CFAP44: variants seen among roughly 807,000 people sequenced by gnomAD.
CFAP44 encodes the protein cilia- and flagella-associated protein 44.
CFAP44 carries 134 observed loss-of-function variants against 216.2 expected under a neutral mutation model. The ratio of observed to expected loss-of-function variants is 0.62; its 90% CI spans 0.54 to 0.72. CFAP44 has a LOEUF of 0.72. Ranked by LOEUF, CFAP44 falls within the 30% of genes least tolerant of loss-of-function variation. CFAP44 has a pLI of 0.00. For missense variants in CFAP44, 2,035 were observed against 2,182.1 expected (o/e 0.93, Z 1.34); for synonymous variants, 700 against 727.6 (o/e 0.96, Z 0.61).
At chr3:113,349,453 G>T (rs1164718310) in intron 22 of CFAP44, among the ~76,000 whole-genome samples, 2 of 152,208 alleles carry the variant, frequency 1.3e-5, no homozygotes, top group African/African-American at 4.8e-5. Flanking sequence ...CGCAGGCTTA[G>T]TCATGGCCCT....
intron 27 of CFAP44, 35 bp from the exon 28 acceptor site, chr3:113,326,675 T>C: frequency 7.4e-7 from 1 of 1,355,934 alleles, no homozygotes; most frequent in Non-Finnish European, 9.8e-7. Flanking sequence ...ATGATAAATA[T>C]TTCTGATAAA....
At chr3:113,317,814 C>T (rs1009039877) in intron 28 of CFAP44, among the ~76,000 whole-genome samples, 13 of 152,184 alleles carry the variant, frequency 8.5e-5, no homozygotes, top group Non-Finnish European at 1.5e-4. Context: ...TTGCATATCT[C>T]CCTGCTACAG....
chr3:113,431,922 C>A (rs752652367), intron 2 of CFAP44, among the ~76,000 whole-genome samples: 48 of 152,246 alleles, frequency 3.2e-4, no homozygotes, highest in Non-Finnish European at 5.6e-4. Context: ...TTCAAAAATC[C>A]TAGTTATAAA....
chr3:113,381,684 T>C (rs1933514459), intron 15 of CFAP44, among the ~76,000 whole-genome samples: 1 of 152,242 alleles, frequency 6.6e-6, no homozygotes, highest in South Asian at 2.1e-4. Context: ...GAATGGGAAA[T>C]CTCCATCTTG....
At chr3:113,336,615 C>T (rs892875197) in intron 24 of CFAP44, among the ~76,000 whole-genome samples, 5 of 147,648 alleles carry the variant, frequency 3.4e-5, no homozygotes, top group African/African-American at 1.2e-4. Context: ...TTGACAAATT[C>T]CTTAGTAAAG....
chr3:113,401,029 G>A (rs1396493918), intron 11 of CFAP44, among the ~76,000 whole-genome samples: 1 of 152,048 alleles, frequency 6.6e-6, no homozygotes, highest in Non-Finnish European at 1.5e-5. Context: ...TATTGACACG[G>A]CCACTTTTCT....
At chr3:113,355,017 G>C (rs1035268403) in intron 22 of CFAP44, among the ~76,000 whole-genome samples, 3 of 152,164 alleles carry the variant, frequency 2.0e-5, no homozygotes, top group Non-Finnish European at 4.4e-5. Flanking sequence ...AAGACTCTTT[G>C]CAGACATTCC....
In CFAP44 at chr3:113,308,138, C is replaced by G; in HGVS notation, c.4627+20G>C. On this transcript the variant is annotated intron_variant, in intron 29 of 34. Transcript: ENST00000393845. ...CAATATTCACACTTCACAGAGAACA[C>G]GTGGTTTTATCTAACTTACTTGTTG... 1.3e-6 allele frequency: 2 copies of G among 1,515,120 alleles called. No individual in the cohort carries two copies. Among genetic ancestry groups the G allele is most frequent in the Non-Finnish European group, 1.8e-6 (2 of 1,133,254 alleles). 93.9% of individuals were successfully genotyped at this position (1,515,120 alleles called of 1,614,324 possible). A position where few individuals can be genotyped will look rare whatever the true frequency, so the allele number is the denominator to read the frequency against.
rs116266837 is a variant in CFAP44, at chr3:113,344,602, C to T, written c.3176G>A (p.Arg1059Gln). The change falls in exon 23 of 35, where the codon CGA (arginine) becomes CAA (glutamine). Residue 1059 changes from arginine (R) to glutamine (Q), a missense_variant. This residue lies in a region of CFAP44 where 1,883 missense variants were observed against 2,023.7 expected (regional missense o/e 0.93). Transcript: ENST00000393845. ...VQPSKYSKFK[R>Q]ASQSERKPSK... is the part of the protein sequence containing the mutation. ...TGGTTTTCTCTCTGATTGACTAGCT[C>T]GTTTGAATTTGGAGTACTTAGAGGG... 2,638 of 1,537,036 alleles carry T rather than the reference C, an allele frequency of 1.7e-3. 31 individuals carry two copies. The African/African-American group carries it at 0.032, about 18-fold the overall frequency.
At chr3:113,383,829 C>A (rs1367920588) in intron 15 of CFAP44, among the ~76,000 whole-genome samples, 1 of 152,082 alleles carries the variant, frequency 6.6e-6, no homozygotes, top group East Asian at 1.9e-4. Flanking sequence ...TATACACGTG[C>A]CATGGTGGTT....
chr3:113,416,541 T>G lies in CFAP44; in HGVS notation c.657A>C (p.Pro219=). The G allele has an allele frequency of 6.2e-7, 1 of 1,608,948 alleles. No individual in the cohort carries two copies. Among genetic ancestry groups the G allele is most frequent in the Non-Finnish European group, 8.5e-7 (1 of 1,176,148 alleles). The change falls in exon 6 of 35, where the codon CCA becomes CCC. Residue 219 remains proline, a synonymous_variant. Transcript: ENST00000393845. ...TGGACTCACCTCGAAGGACTCTGTA[T>G]GGTCTCAGAGAAGGATATTCATAGA... ...IIIYEYPSLR[P]YRVLRDGTEK... is the part of the protein sequence containing the mutation.
intron 28 of CFAP44, among the ~76,000 whole-genome samples, chr3:113,313,149 G>A (rs1439702062): frequency 6.6e-6 from 1 of 152,138 alleles, no homozygotes; most frequent in Non-Finnish European, 1.5e-5. Flanking sequence ...GCTGTATCCT[G>A]CAAAGCCACA....
intron 6 of CFAP44, among the ~76,000 whole-genome samples, chr3:113,411,339 G>C (rs1020583605): frequency 5.3e-5 from 8 of 152,094 alleles, no homozygotes; most frequent in Non-Finnish European, 1.2e-4. Flanking sequence ...GTAAGGAAGG[G>C]ATCCAGTTTC....
At chr3:113,323,338 T>C (rs1020928942) in intron 28 of CFAP44, among the ~76,000 whole-genome samples, 4 of 152,194 alleles carry the variant, frequency 2.6e-5, no homozygotes, top group Non-Finnish European at 5.9e-5. Context: ...CTGGAGGTGA[T>C]AATCCTAAGC....
chr3:113,327,884 A>G (rs778856103), intron 26 of CFAP44, 65 bp from the exon 27 acceptor site: 24 of 1,417,000 alleles, frequency 1.7e-5, no homozygotes, highest in Non-Finnish European at 2.3e-5. Flanking sequence ...TAAACTATCT[A>G]ACAGTACTAA....
At chr3:113,401,007 T>C (rs556083683) in intron 11 of CFAP44, among the ~76,000 whole-genome samples, 2 of 152,262 alleles carry the variant, frequency 1.3e-5, no homozygotes, top group South Asian at 4.1e-4. Context: ...TAAAGTACTA[T>C]ATAATGTTAG....
chr3:113,379,668 T>C, intron 16 of CFAP44, 117 bp from the exon 17 acceptor site: 1 of 716,606 alleles, frequency 1.4e-6, no homozygotes, highest in Middle Eastern at 2.8e-4. Context: ...ACAAATAATA[T>C]TTAAAAATAC....
At position 113,326,506 on chromosome 3, in the gene CFAP44, G is replaced by A; in HGVS notation, c.4455C>T (p.Leu1485=). 6.5e-7 allele frequency: 1 copy of A among 1,531,034 alleles called. No individual in the cohort carries two copies. The highest frequency in any genetic ancestry group is 1.4e-5 in the African/African-American group (1 of 72,790). 94.8% of individuals were successfully genotyped at this position (1,531,034 alleles called of 1,614,324 possible). The change falls in exon 28 of 35, where the codon CTC becomes CTT. Residue 1485 remains leucine, a synonymous_variant. Coordinates refer to ENST00000393845, the MANE Select transcript of CFAP44 (RefSeq NM_001164496.2). Reference sequence around the variant, plus strand: ...TAATCTTCTTCTTTAGGACCTTCATGAGGAAGTTTGCAAATTTATTGTTTT... The same window carrying A: ...TAATCTTCTTCTTTAGGACCTTCATAAGGAAGTTTGCAAATTTATTGTTTT... The part of the protein sequence containing the change: ...IGENNKFANF[L]MKVLKKKIKR...
At chr3:113,312,470 T>A (rs1417444071) in intron 28 of CFAP44, among the ~76,000 whole-genome samples, 1 of 152,094 alleles carries the variant, frequency 6.6e-6, no homozygotes, top group African/African-American at 2.4e-5. Flanking sequence ...AAAAACGCAT[T>A]TTCTGAGGAG....
Sources: allele counts gnomAD v4.1 joint callset (sites outside exome capture counted in the v4.1 genomes callset), GRCh38; gene constraint gnomAD v4.1.1; regional missense constraint gnomAD v4.1.1; transcripts MANE v1.5; gene names NCBI Gene and HGNC (gene_info 2026-07-23, HGNC 2026-07-21).